KCTD9: variants seen among roughly 807,000 people sequenced by gnomAD.
KCTD9 encodes the protein potassium channel tetramerization domain containing 9, also known as BTB/POZ domain-containing protein KCTD9.
In KCTD9, 17 loss-of-function variants were observed where a neutral mutation model predicts 53.3. That is an observed-to-expected ratio of 0.32 (90% CI 0.22 to 0.48). The LOEUF is 0.48. KCTD9 is among the 20% of genes least tolerant of loss of function. The probability of loss-of-function intolerance (pLI) is 0.99; values close to 1 mark genes in which losing one functional copy is unlikely to be tolerated. For synonymous variants in KCTD9, 128 were observed against 162.7 expected, an observed-to-expected ratio of 0.79 and a Z score of 1.62; for missense variants, 179 against 465.5, an observed-to-expected ratio of 0.38 and a Z score of 5.66.
intron 4 of KCTD9, among the ~76,000 whole-genome samples, chr8:25,440,055 G>T (rs1175783301): frequency 2.8e-5 from 4 of 145,060 alleles, no homozygotes; most frequent in Non-Finnish European, 4.5e-5. Context: ...TATCTAAAAA[G>T]CATGTTTTTT....
intron 1 of KCTD9, among the ~76,000 whole-genome samples, chr8:25,450,105 G>C (rs935478044): frequency 6.6e-6 from 1 of 152,188 alleles, no homozygotes; most frequent in Non-Finnish European, 1.5e-5. Context: ...AAGGAGCACA[G>C]TCTAGGTATA....
intron 6 of KCTD9, among the ~76,000 whole-genome samples, chr8:25,436,843 T>G (rs1455485189): frequency 6.6e-6 from 1 of 152,250 alleles, no homozygotes; most frequent in Non-Finnish European, 1.5e-5. Flanking sequence ...TTACTTATTC[T>G]AATCTGTTAA....
intron 9 of KCTD9, 108 bp downstream of exon 9, chr8:25,435,255 G>A (rs145833720): frequency 5.7e-4 from 383 of 669,666 alleles, no homozygotes; most frequent in Non-Finnish European, 6.6e-4. Flanking sequence ...CTGTTTTCAA[G>A]TAAAAGCTCC....
intron 3 of KCTD9, among the ~76,000 whole-genome samples, chr8:25,443,414 AT>A (rs1563248024): frequency 3.3e-5 from 5 of 152,200 alleles, no homozygotes; most frequent in African/African-American, 1.2e-4. Flanking sequence ...CTGAACATCA[AT>A]AAATGCAGAG....
At chr8:25,453,893 A>G (rs1170713288) in intron 1 of KCTD9, among the ~76,000 whole-genome samples, 1 of 152,196 alleles carries the variant, frequency 6.6e-6, no homozygotes, top group Non-Finnish European at 1.5e-5. Context: ...ATATTAAGAA[A>G]TGTTCAAGCT....
At chr8:25,438,097 T>A (rs918172904) in intron 6 of KCTD9, among the ~76,000 whole-genome samples, 3 of 152,026 alleles carry the variant, frequency 2.0e-5, no homozygotes, top group African/African-American at 7.2e-5. Flanking sequence ...TTGAGAAACA[T>A]GAAAAAGAAA....
At position 25,437,720 on chromosome 8, in the gene KCTD9, TG is replaced by T. The variant is rs551058973; in HGVS notation, c.500-1236del. Among the ~76,000 whole-genome samples the T allele has an allele frequency of 2.2e-3, 330 of 151,448 alleles. 4 individuals carry two copies. The highest frequency in any genetic ancestry group is 7.7e-3 in the African/African-American group (318 of 41,258). Reference sequence around the variant, plus strand: ...AATATTAGCTGGGCATCATGGTGTGTGCCTGTAATCCCATCTACTTGGGAAG... The same window carrying T: ...AATATTAGCTGGGCATCATGGTGTGTCCTGTAATCCCATCTACTTGGGAAG... On this transcript the variant is annotated intron_variant, in intron 6 of 11. Coordinates refer to ENST00000221200, the MANE Select transcript of KCTD9 (RefSeq NM_017634.4).
At chr8:25,434,198 C>T (rs1342719291) in intron 9 of KCTD9, among the ~76,000 whole-genome samples, 1 of 152,180 alleles carries the variant, frequency 6.6e-6, no homozygotes, top group African/African-American at 2.4e-5. Context: ...CTCCCAAGTT[C>T]AAGTGATTCT....
At chr8:25,444,643 ATAGAT>A (rs1041732575) in intron 2 of KCTD9, among the ~76,000 whole-genome samples, 4 of 152,174 alleles carry the variant, frequency 2.6e-5, no homozygotes, top group South Asian at 2.1e-4. Flanking sequence ...TGCTGAAAGG[ATAGAT>A]TAAAGTCACA....
intron 1 of KCTD9, among the ~76,000 whole-genome samples, chr8:25,450,179 G>A (rs138225083): frequency 4.3e-4 from 65 of 152,224 alleles, no homozygotes; most frequent in Admixed American, 1.0e-3. Flanking sequence ...ACAATTTACC[G>A]TATCACTAAA....
chr8:25,438,956 A>T (rs1822308556), intron 6 of KCTD9, among the ~76,000 whole-genome samples: 1 of 152,196 alleles, frequency 6.6e-6, no homozygotes, highest in Admixed American at 6.5e-5. Flanking sequence ...TTCAATTTTT[A>T]AAAAAGGAAA....
At chr8:25,437,847 C>CAAAAAAAAAAAAAAAA (rs59540797) in intron 6 of KCTD9, among the ~76,000 whole-genome samples, 1 of 62,544 alleles carries the variant, frequency 1.6e-5, no homozygotes, top group African/African-American at 7.1e-5. Flanking sequence ...GACCCTGTCT[C>CAAAAAAAAAAAAAAAA]AAAAAAAAAA....
At chr8:25,450,232 T>TA (rs201784454) in intron 1 of KCTD9, 26 of 660,252 alleles carry the variant, frequency 3.9e-5, no homozygotes, top group Non-Finnish European at 4.7e-5. Flanking sequence ...AAAGGTCCAA[T>TA]AAAAAAAATT....
Position 25,436,499 on chromosome 8 carries a change from A to C in KCTD9, c.500-14T>G. On this transcript the variant is annotated splice_polypyrimidine_tract_variant and intron_variant, in intron 6 of 11. Transcript: ENST00000221200. ...CTTCTAACACACCTATCAGAACAAA[A>C]ATAATTCTGAAACAACCTAATTTAG... is the stretch of plus-strand genomic sequence containing the variant. The C allele has an allele frequency of 6.7e-7, 1 of 1,490,740 alleles. No individual in the cohort carries two copies. Among genetic ancestry groups the C allele is most frequent in the Non-Finnish European group, 9.1e-7 (1 of 1,100,648 alleles). The allele number at this position is 1,490,740 out of a possible 1,614,324, so 92.3% of individuals were successfully genotyped here.
Position 25,427,968 on chromosome 8 carries a change from A to C in KCTD9, c.*1889T>G, listed in dbSNP as rs1265715006. ...GGCTGGTTGTCAACACATATTGAAG[A>C]AATGTAAGCAAAATACAGAAAGTGA... On this transcript the variant is annotated 3_prime_UTR_variant, in exon 12 of 12. Transcript: ENST00000221200. 6.6e-6 allele frequency: 1 copy of C among 152,244 alleles called. No homozygotes were observed. Among genetic ancestry groups the C allele is most frequent in the Non-Finnish European group, 1.5e-5 (1 of 68,020 alleles). 9.4% of individuals were successfully genotyped at this position (152,244 alleles called of 1,614,324 possible).
At chr8:25,452,163 C>A (rs1802337236) in intron 1 of KCTD9, among the ~76,000 whole-genome samples, 1 of 151,702 alleles carries the variant, frequency 6.6e-6, no homozygotes, top group Non-Finnish European at 1.5e-5. Context: ...TACTTTTAGT[C>A]AAATACATTT....
intron 2 of KCTD9, among the ~76,000 whole-genome samples, chr8:25,444,833 C>T (rs969720182): frequency 1.3e-5 from 2 of 152,168 alleles, no homozygotes; most frequent in African/African-American, 4.8e-5. Context: ...AATGGCTGCA[C>T]ATAACCCAGA....
At chr8:25,439,085 C>T (rs1802070955) in intron 6 of KCTD9, among the ~76,000 whole-genome samples, 194 bp downstream of exon 6, 1 of 152,204 alleles carries the variant, frequency 6.6e-6, no homozygotes, top group South Asian at 2.1e-4. Context: ...GAAGGACCAC[C>T]TGCCCGTGCC....
chr8:25,446,212 A>G lies in KCTD9; in HGVS notation c.87T>C (p.Ser29=), dbSNP rs1257786107. The change falls in exon 2 of 12, where the codon TCT becomes TCC. Residue 29 remains serine (S), a synonymous_variant. Coordinates refer to ENST00000221200, the MANE Select transcript of KCTD9 (RefSeq NM_017634.4). ...AVYGTLSDLL[S]VASSKLGIKA... ...TTATGCCGAGTTTACTGCTGGCCAC[A>G]GAAAGCAAATCAGATAAAGTTCCAT... 1 of 1,614,064 alleles carries G rather than the reference A, an allele frequency of 6.2e-7. No homozygotes were observed. Among genetic ancestry groups the G allele is most frequent in the Non-Finnish European group, 8.5e-7 (1 of 1,179,916 alleles).
Sources: gnomAD v4.1 joint callset for allele counts (sites outside exome capture counted in the v4.1 genomes callset) on GRCh38, gnomAD v4.1.1 for gene constraint, MANE v1.5 for transcripts, NCBI Gene and HGNC (gene_info 2026-07-23, HGNC 2026-07-21) for gene names.